The following RAB11FIP4 variants were observed in gnomAD, a reference collection of about 807,000 sequenced individuals.
RAB11FIP4 encodes the protein RAB11 family interacting protein 4, also known as rab11 family-interacting protein 4.
A neutral mutation model predicts 74.3 loss-of-function variants in RAB11FIP4; 23 were observed. That is an observed-to-expected ratio of 0.31 (90% CI 0.22 to 0.44). The LOEUF is 0.44. Among genes scored for constraint, RAB11FIP4 ranks in the 20% least tolerant of loss-of-function variants. The probability of loss-of-function intolerance (pLI) is 1.00; values close to 1 mark genes in which losing one functional copy is unlikely to be tolerated. For missense variants in RAB11FIP4, 630 were observed against 863.9 expected, an observed-to-expected ratio of 0.73 and a Z score of 3.39; for synonymous variants, 360 against 359.9, an observed-to-expected ratio of 1.00 and a Z score of 0.00.
chr17:31,489,384 T>C (rs1360742685), intron 3 of RAB11FIP4, among the ~76,000 whole-genome samples: 1 of 152,070 alleles, frequency 6.6e-6, no homozygotes, highest in Non-Finnish European at 1.5e-5. Flanking sequence ...GCAGTACTAA[T>C]TGTGTGCCAC....
At chr17:31,487,919 C>T in intron 3 of RAB11FIP4, 1 of 495,542 alleles carries the variant, frequency 2.0e-6, no homozygotes. Context: ...ACCTGGGCCC[C>T]GCCCCGCGGC....
intron 1 of RAB11FIP4, among the ~76,000 whole-genome samples, chr17:31,409,119 G>A (rs1470516811): frequency 6.6e-6 from 1 of 152,192 alleles, no homozygotes; most frequent in African/African-American, 2.4e-5. Flanking sequence ...TGGTGGTGGA[G>A]CCAGTAGGGA....
intron 14 of RAB11FIP4, among the ~76,000 whole-genome samples, chr17:31,530,715 A>G (rs1431435586): frequency 6.6e-6 from 1 of 152,176 alleles, no homozygotes; most frequent in African/African-American, 2.4e-5. Context: ...TGTGAGTCTT[A>G]GGTCGGCCAG....
At chr17:31,461,636 G>A (rs2071634661) in intron 3 of RAB11FIP4, among the ~76,000 whole-genome samples, 1 of 151,984 alleles carries the variant, frequency 6.6e-6, no homozygotes, top group South Asian at 2.1e-4. Flanking sequence ...AATCACCTGG[G>A]ATCTCAAACT....
At chr17:31,455,278 G>A (rs1329574691) in intron 3 of RAB11FIP4, among the ~76,000 whole-genome samples, 1 of 152,168 alleles carries the variant, frequency 6.6e-6, no homozygotes, top group African/African-American at 2.4e-5. Flanking sequence ...TTCTGGGAAG[G>A]TAGCTAGGAA....
intron 3 of RAB11FIP4, among the ~76,000 whole-genome samples, chr17:31,483,726 A>G (rs892954387): frequency 9.9e-5 from 15 of 152,170 alleles, no homozygotes; most frequent in African/African-American, 2.9e-4. Flanking sequence ...ATTGGTTGGC[A>G]TCAGTTGCTT....
intron 3 of RAB11FIP4, among the ~76,000 whole-genome samples, chr17:31,495,498 C>T (rs921366543): frequency 6.6e-6 from 1 of 151,596 alleles, no homozygotes; most frequent in African/African-American, 2.4e-5. Flanking sequence ...CCTCAGCTGC[C>T]TGAGTAGCTG....
chr17:31,515,651 C>G (rs1378257442), intron 3 of RAB11FIP4, among the ~76,000 whole-genome samples: 1 of 152,032 alleles, frequency 6.6e-6, no homozygotes, highest in Non-Finnish European at 1.5e-5. Context: ...TTCTTGTAGT[C>G]TCGGGACTGC....
rs59919036 is a variant in RAB11FIP4, at chr17:31,407,040, A to ATTTTTTTTTTTTT, written c.159+15046_159+15058dup. ...CACATTTGTTTTTTTGTTTCACTTG[A>ATTTTTTTTTTTTT]TTTTTTTTTTTTTTTTTTTTTTTTT... On this transcript the variant is annotated intron_variant, in intron 1 of 14. Coordinates refer to ENST00000621161, the MANE Select transcript of RAB11FIP4 (RefSeq NM_032932.6). 2.7e-4 allele frequency among the ~76,000 whole-genome samples: 14 copies of ATTTTTTTTTTTTT among 51,214 alleles called. 1 individual carries two copies. Among genetic ancestry groups the ATTTTTTTTTTTTT allele is most frequent in the East Asian group, 1.2e-3 (2 of 1,718 alleles). 33.6% of individuals were successfully genotyped at this position (51,214 alleles called of 152,430 possible). A position where few individuals can be genotyped will look rare whatever the true frequency, so the allele number is the denominator to read the frequency against.
intron 1 of RAB11FIP4, among the ~76,000 whole-genome samples, chr17:31,402,637 T>TATTTATTTA: frequency 6.6e-6 from 1 of 151,382 alleles, no homozygotes; most frequent in African/African-American, 2.4e-5. Flanking sequence ...TTTATTTATT[T>TATTTATTTA]TTGAGACAGA....
At chr17:31,432,308 G>A (rs1374710242) in intron 2 of RAB11FIP4, among the ~76,000 whole-genome samples, 2 of 151,236 alleles carry the variant, frequency 1.3e-5, no homozygotes, top group East Asian at 1.9e-4. Flanking sequence ...ATGACTGCCC[G>A]CCTCCCTCTG....
intron 4 of RAB11FIP4, chr17:31,518,763 G>GT (rs1336559024): frequency 6.6e-6 from 1 of 152,388 alleles, no homozygotes; most frequent in East Asian, 1.9e-4. Flanking sequence ...AGACATATGT[G>GT]TTAGGAAATG....
At chr17:31,524,048 G>C (rs765985135) in intron 9 of RAB11FIP4, 52 bp downstream of exon 9, 1 of 1,369,440 alleles carries the variant, frequency 7.3e-7, no homozygotes. Context: ...GGGAACAAAG[G>C]GGGGTCCATC....
At chr17:31,462,526 G>A (rs529426263) in intron 3 of RAB11FIP4, among the ~76,000 whole-genome samples, 2 of 152,292 alleles carry the variant, frequency 1.3e-5, no homozygotes, top group South Asian at 4.2e-4. Context: ...AGGTCTCATA[G>A]CTGGCTGGTT....
At chr17:31,399,878 A>G (rs1485989816) in intron 1 of RAB11FIP4, among the ~76,000 whole-genome samples, 6 of 151,864 alleles carry the variant, frequency 4.0e-5, no homozygotes, top group Non-Finnish European at 8.8e-5. Context: ...ACTTGTCTCT[A>G]TTAAAAATAC....
chr17:31,478,253 A>C (rs1479811957), intron 3 of RAB11FIP4, among the ~76,000 whole-genome samples: 1 of 152,128 alleles, frequency 6.6e-6, no homozygotes, highest in Non-Finnish European at 1.5e-5. Context: ...TTGGTCTCCC[A>C]AAGTGCTGGG....
rs79513822 is a variant in RAB11FIP4, at chr17:31,530,259, G to T, written c.1654-67G>T. 4,356 of 1,585,708 alleles carry T rather than the reference G, an allele frequency of 2.7e-3. 106 individuals carry two copies. In the African/African-American group the frequency reaches 0.053, roughly 19 times the overall value. On this transcript the variant is annotated intron_variant, in intron 13 of 14. Transcript: ENST00000621161. ...GCAGGTCGGGGACGGTGGATGTGGAGAAGTGGGTTCCAGTGGGCTGTGGAT... is the reference window on the plus strand; with the variant it reads ...GCAGGTCGGGGACGGTGGATGTGGATAAGTGGGTTCCAGTGGGCTGTGGAT...
At chr17:31,436,430 T>C (rs911027982) in intron 3 of RAB11FIP4, among the ~76,000 whole-genome samples, 3 of 116,014 alleles carry the variant, frequency 2.6e-5, no homozygotes, top group African/African-American at 1.0e-4. Context: ...AGCCGAGGCC[T>C]GGGGAGAGGG....
intron 3 of RAB11FIP4, among the ~76,000 whole-genome samples, chr17:31,452,544 C>T (rs1240882087): frequency 6.6e-6 from 1 of 152,188 alleles, no homozygotes; most frequent in Non-Finnish European, 1.5e-5. Context: ...CTAGCCTGCT[C>T]ATCAGCAATG....
Sources: allele counts gnomAD v4.1 joint callset (sites outside exome capture counted in the v4.1 genomes callset), GRCh38; gene constraint gnomAD v4.1.1; transcripts MANE v1.5; gene names NCBI Gene and HGNC (gene_info 2026-07-23, HGNC 2026-07-21).